Variants in ILKAP observed in about 807,000 individuals in gnomAD.
ILKAP encodes integrin-linked kinase-associated serine/threonine phosphatase 2C.
A neutral mutation model predicts 49.1 loss-of-function variants in ILKAP; 11 were observed. That is an observed-to-expected ratio of 0.22 (90% CI 0.14 to 0.37). ILKAP has a LOEUF of 0.37. Among genes scored for constraint, ILKAP ranks in the 10% least tolerant of loss-of-function variants. The pLI, the probability that ILKAP is intolerant of heterozygous loss-of-function variation, is 1.00. For synonymous variants in ILKAP, 186 were observed against 192.8 expected (o/e 0.96, Z 0.29); for missense variants, 363 against 510.8 (o/e 0.71, Z 2.79).
At chr2:238,174,217 A>G (rs1285163207) in intron 9 of ILKAP, among the ~76,000 whole-genome samples, 3 of 152,208 alleles carry the variant, frequency 2.0e-5, no homozygotes, top group Admixed American at 2.0e-4. Context: ...GCATAGCATC[A>G]TAGTTTCACC....
chr2:238,170,737 G>A, intron 11 of ILKAP, 61 bp from the exon 12 acceptor site: 1 of 1,599,788 alleles, frequency 6.3e-7, no homozygotes, highest in Admixed American at 1.7e-5. Flanking sequence ...ACTTTCCTGA[G>A]ACATGACTGC....
chr2:238,185,152 G>C (rs1359400956), intron 6 of ILKAP, 29 bp downstream of exon 6: 1 of 1,391,818 alleles, frequency 7.2e-7, no homozygotes, highest in Admixed American at 1.7e-5. Flanking sequence ...ACCAATTTGA[G>C]TATCAACTGA....
In ILKAP at chr2:238,182,154, T is replaced by C. The variant is rs1693721007; in HGVS notation, c.747A>G (p.Gln249=). 1.2e-6 allele frequency: 2 copies of C among 1,613,982 alleles called. No homozygotes were observed. Among genetic ancestry groups the C allele is most frequent in the South Asian group, 1.1e-5 (1 of 91,080 alleles). The change falls in exon 9 of 12, where the codon CAA becomes CAG. Residue 249 remains glutamine (Q), a synonymous_variant. Coordinates refer to ENST00000254654, the MANE Select transcript of ILKAP (RefSeq NM_030768.3). The part of the protein sequence containing the change: ...AILCRYNEES[Q]KHAALSLSKE... The stretch of plus-strand genomic sequence containing the variant: ...TGCTGAGGCTTAAGGCTGCATGTTT[T>C]TGACTCTCCTCATTATAACGACACA...
chr2:238,179,174 C>T (rs1574784965), intron 9 of ILKAP, among the ~76,000 whole-genome samples: 1 of 152,178 alleles, frequency 6.6e-6, no homozygotes, highest in African/African-American at 2.4e-5. Flanking sequence ...GGAGTTTCCA[C>T]TGGCCATATC....
Position 238,194,326 on chromosome 2 carries a change from CT to C in ILKAP, c.126del (p.Gly44AspfsTer27). 1.9e-6 allele frequency: 3 copies of C among 1,614,064 alleles called. No homozygotes were observed. Among genetic ancestry groups the C allele is most frequent in the Middle Eastern group, 1.6e-4 (1 of 6,062 alleles). On this transcript the variant is annotated frameshift_variant, in exon 3 of 12. Transcript: ENST00000254654. LOFTEE classifies it high-confidence loss of function. ...AGATCATCAAAAAGCAAAGGTCCCCCTGATCCTGAAACACAGCAGAACACTT... is the reference window on the plus strand; with the variant it reads ...AGATCATCAAAAAGCAAAGGTCCCCCGATCCTGAAACACAGCAGAACACTT... ...LPPASSTDSG[S>X]GGPLLFDDLP...
At chr2:238,171,518 A>G (rs1027572031) in intron 10 of ILKAP, among the ~76,000 whole-genome samples, 3 of 152,236 alleles carry the variant, frequency 2.0e-5, no homozygotes, top group Non-Finnish European at 2.9e-5. Context: ...AACTACTTAC[A>G]AGTATTTGTG....
At chr2:238,192,209 A>AT (rs1559298715) in intron 3 of ILKAP, among the ~76,000 whole-genome samples, 1 of 151,736 alleles carries the variant, frequency 6.6e-6, no homozygotes. Context: ...GTCTTAAAAA[A>AT]AAAAAAAGAA....
intron 3 of ILKAP, among the ~76,000 whole-genome samples, chr2:238,190,906 G>T (rs890130843): frequency 8.3e-6 from 1 of 121,168 alleles, no homozygotes; most frequent in African/African-American, 3.3e-5. Context: ...AAAAAAAAAA[G>T]GATGCAAGTA....
At position 238,192,104 on chromosome 2, in the gene ILKAP, C is replaced by T. The variant is rs143913380; in HGVS notation, c.179-2132G>A. On this transcript the variant is annotated intron_variant, in intron 3 of 11. Transcript: ENST00000254654. ...GCAGGTGCCTATAGTCCCAGCTACTCGGGAGGCTTAGACAGGAACTTGAAC... is the reference window on the plus strand; with the variant it reads ...GCAGGTGCCTATAGTCCCAGCTACTTGGGAGGCTTAGACAGGAACTTGAAC... Among the ~76,000 whole-genome samples, 372 of 149,456 alleles carry T rather than the reference C, an allele frequency of 2.5e-3. 2 individuals are homozygous for T. The highest frequency in any genetic ancestry group is 8.1e-3 in the African/African-American group (329 of 40,636).
intron 1 of ILKAP, among the ~76,000 whole-genome samples, chr2:238,200,434 G>A (rs1334234080): frequency 6.6e-6 from 1 of 152,230 alleles, no homozygotes; most frequent in Non-Finnish European, 1.5e-5. Flanking sequence ...TAATACATTT[G>A]ATGTGATATA....
At chr2:238,171,046 T>A (rs1295995615) in intron 10 of ILKAP, 22 bp from the exon 11 acceptor site, 1 of 1,589,964 alleles carries the variant, frequency 6.3e-7, no homozygotes, top group Non-Finnish European at 8.6e-7. Context: ...GGGAGAAATA[T>A]AAACGGGTTT....
chr2:238,203,025 G>T (rs1355241242), intron 1 of ILKAP, among the ~76,000 whole-genome samples: 8 of 152,198 alleles, frequency 5.3e-5, no homozygotes, highest in Non-Finnish European at 1.0e-4. Flanking sequence ...AAAACGCCAA[G>T]CCCCTGAACT....
At chr2:238,183,855 A>C in intron 7 of ILKAP, 115 bp from the exon 8 acceptor site, 1 of 993,992 alleles carries the variant, frequency 1.0e-6, no homozygotes, top group Non-Finnish European at 1.5e-6. Context: ...TTTCCTTGAT[A>C]CTTGCTTTTT....
chr2:238,183,947 T>C, intron 7 of ILKAP, 73 bp downstream of exon 7: 1 of 1,079,224 alleles, frequency 9.3e-7, no homozygotes, highest in South Asian at 1.3e-5. Context: ...TTAAACCACA[T>C]CAGAAGACTG....
At chr2:238,172,704 C>T in intron 10 of ILKAP, among the ~76,000 whole-genome samples, 1 of 152,232 alleles carries the variant, frequency 6.6e-6, no homozygotes, top group African/African-American at 2.4e-5. Context: ...GGCACGCGCT[C>T]TTCATCCGCA....
At chr2:238,201,091 T>G (rs1392839769) in intron 1 of ILKAP, among the ~76,000 whole-genome samples, 1 of 152,260 alleles carries the variant, frequency 6.6e-6, no homozygotes, top group Non-Finnish European at 1.5e-5. Flanking sequence ...AGATTTGTGG[T>G]ACCCACATAT....
intron 3 of ILKAP, among the ~76,000 whole-genome samples, chr2:238,190,896 A>G (rs1559297870): frequency 1.3e-5 from 2 of 151,350 alleles, no homozygotes; most frequent in Non-Finnish European, 2.9e-5. Context: ...AAAAAAAAAA[A>G]AAAAAAAAAG....
chr2:238,179,610 A>G (rs1559290843), intron 9 of ILKAP, among the ~76,000 whole-genome samples: 1 of 152,164 alleles, frequency 6.6e-6, no homozygotes, highest in Admixed American at 6.5e-5. Context: ...ACGCAAGGCA[A>G]CAGGAGCATC....
At chr2:238,195,261 G>A (rs2106340190) in intron 1 of ILKAP, among the ~76,000 whole-genome samples, 1 of 152,302 alleles carries the variant, frequency 6.6e-6, no homozygotes, top group South Asian at 2.1e-4. Flanking sequence ...GAGACTTCCT[G>A]ATAGACGTTC....
Sources: gnomAD v4.1 joint callset for allele counts (sites outside exome capture counted in the v4.1 genomes callset) on GRCh38, gnomAD v4.1.1 for gene constraint, MANE v1.5 for transcripts, NCBI Gene and HGNC (gene_info 2026-07-23, HGNC 2026-07-21) for gene names.